Variants in P3H2 observed in about 807,000 individuals in gnomAD.
P3H2 encodes the protein leprecan-like 1.
P3H2 carries 80 observed loss-of-function variants against 87.0 expected under a neutral mutation model. That is an observed-to-expected ratio of 0.92 (90% CI 0.77 to 1.11). P3H2 has a LOEUF of 1.11. P3H2 is among the 50% of genes least tolerant of loss of function. The pLI, the probability that P3H2 is intolerant of heterozygous loss-of-function variation, is 0.00. For synonymous variants in P3H2, 367 were observed against 359.3 expected (o/e 1.02, Z -0.24); for missense variants, 1,001 against 923.9 (o/e 1.08, Z -1.08).
intron 1 of P3H2, among the ~76,000 whole-genome samples, chr3:190,078,906 T>G (rs894293850): frequency 3.9e-5 from 6 of 152,164 alleles, no homozygotes; most frequent in Non-Finnish European, 7.3e-5. Context: ...CCTTGGGAAG[T>G]GCAGGAGGGT....
chr3:190,071,320 A>C (rs1201553439), intron 1 of P3H2, among the ~76,000 whole-genome samples: 1 of 152,254 alleles, frequency 6.6e-6, no homozygotes, highest in African/African-American at 2.4e-5. Flanking sequence ...CCTTAAAAAG[A>C]ATCTGTCACC....
At chr3:190,069,937 C>A (rs1045301264) in intron 1 of P3H2, among the ~76,000 whole-genome samples, 3 of 151,472 alleles carry the variant, frequency 2.0e-5, no homozygotes, top group Non-Finnish European at 4.4e-5. Context: ...GTAAAGCCAG[C>A]AAGTGTAGAC....
At chr3:189,961,417 C>A (rs548525397) in intron 14 of P3H2, among the ~76,000 whole-genome samples, 4 of 152,304 alleles carry the variant, frequency 2.6e-5, no homozygotes, top group African/African-American at 7.2e-5. Flanking sequence ...TTGCTAAATA[C>A]TCCTTGAGAA....
At chr3:190,096,553 A>T (rs1005395207) in intron 1 of P3H2, among the ~76,000 whole-genome samples, 1 of 152,214 alleles carries the variant, frequency 6.6e-6, no homozygotes, top group Non-Finnish European at 1.5e-5. Flanking sequence ...GTTCATACAT[A>T]GCAGTGTGAA....
At chr3:190,018,980 A>G (rs1724852943) in intron 1 of P3H2, among the ~76,000 whole-genome samples, 1 of 152,332 alleles carries the variant, frequency 6.6e-6, no homozygotes, top group African/African-American at 2.4e-5. Context: ...TCTTAGTGTC[A>G]CTGTGACAGA....
Position 190,021,858 on chromosome 3 carries a change from T to C in P3H2, c.481-26416A>G, listed in dbSNP as rs139441732. ...CCAGTGGTACTAAATTTGTAAATTC[T>C]GGATTTCGTTAGACAACTATGTACA... On this transcript the variant is annotated intron_variant, in intron 1 of 14. Coordinates refer to ENST00000319332, the MANE Select transcript of P3H2 (RefSeq NM_018192.4). Among the ~76,000 whole-genome samples the C allele has an allele frequency of 6.9e-3, 937 of 135,402 alleles. 143 individuals carry two copies. The highest frequency in any genetic ancestry group is 0.023 in the African/African-American group (889 of 39,186). 88.8% of individuals were successfully genotyped at this position (135,402 alleles called of 152,430 possible). A position where few individuals can be genotyped will look rare whatever the true frequency, so the allele number is the denominator to read the frequency against.
At chr3:190,008,838 A>G (rs1174064132) in intron 1 of P3H2, among the ~76,000 whole-genome samples, 1 of 152,126 alleles carries the variant, frequency 6.6e-6, no homozygotes, top group Non-Finnish European at 1.5e-5. Context: ...GAAATCTGAG[A>G]TAATTCCTGT....
intron 10 of P3H2, 85 bp from the exon 11 acceptor site, chr3:189,973,109 T>C: frequency 1.6e-6 from 2 of 1,246,052 alleles, no homozygotes; most frequent in Admixed American, 4.0e-5. Context: ...ATTGAGCCAA[T>C]ATAGGATTGT....
At chr3:190,037,554 A>G (rs2108951876) in intron 1 of P3H2, among the ~76,000 whole-genome samples, 1 of 152,294 alleles carries the variant, frequency 6.6e-6, no homozygotes, top group South Asian at 2.1e-4. Context: ...CTTGATGTCA[A>G]CACGTCAATC....
chr3:190,069,472 TCTC>T (rs1297955689), intron 1 of P3H2, among the ~76,000 whole-genome samples: 1 of 152,196 alleles, frequency 6.6e-6, no homozygotes, highest in Admixed American at 6.6e-5. Flanking sequence ...CATAAATGAA[TCTC>T]CTCTTCACCT....
chr3:189,963,584 A>G, intron 14 of P3H2: 1 of 244,742 alleles, frequency 4.1e-6, no homozygotes, highest in Non-Finnish European at 8.2e-6. Flanking sequence ...AACTGGAACT[A>G]CAGGCGCATG....
intron 13 of P3H2, among the ~76,000 whole-genome samples, chr3:189,967,009 T>C (rs1033389585): frequency 3.3e-5 from 5 of 152,190 alleles, no homozygotes; most frequent in African/African-American, 1.2e-4. Context: ...ATGCCATTTC[T>C]CTGCTCCATT....
intron 1 of P3H2, among the ~76,000 whole-genome samples, chr3:190,104,982 A>G (rs1711774410): frequency 6.6e-6 from 1 of 152,250 alleles, no homozygotes. Flanking sequence ...TACATTAACT[A>G]GAATTCAAAA....
chr3:189,958,627 G>C (rs1722711718), intron 14 of P3H2, among the ~76,000 whole-genome samples: 1 of 151,588 alleles, frequency 6.6e-6, no homozygotes, highest in South Asian at 2.1e-4. Flanking sequence ...CCTACCACAG[G>C]TGTCAGTAAC....
chr3:190,095,614 CCTT>C (rs1727552419), intron 1 of P3H2, among the ~76,000 whole-genome samples: 1 of 122,644 alleles, frequency 8.2e-6, no homozygotes, highest in Non-Finnish European at 1.7e-5. Context: ...TTTTTTTTTT[CCTT>C]TAAAACGGAG....
intron 1 of P3H2, among the ~76,000 whole-genome samples, chr3:190,006,722 G>A (rs144655536): frequency 4.4e-3 from 665 of 152,258 alleles, no homozygotes; most frequent in Non-Finnish European, 7.8e-3. Context: ...GAGAAAGTAG[G>A]ACTGAGGGTC....
chr3:190,057,348 A>G (rs13072931), intron 1 of P3H2, among the ~76,000 whole-genome samples: 44,357 of 152,088 alleles, frequency 0.29, 6,640 homozygotes, highest in Middle Eastern at 0.36. Flanking sequence ...TCTGAGAAGC[A>G]CAGCTTTTCT....
intron 1 of P3H2, among the ~76,000 whole-genome samples, chr3:190,008,412 T>C (rs1724462449): frequency 6.6e-6 from 1 of 152,196 alleles, no homozygotes; most frequent in Admixed American, 6.5e-5. Flanking sequence ...AAGTGACTGC[T>C]AGTAAGTATA....
At chr3:190,055,619 T>C (rs1279443162) in intron 1 of P3H2, among the ~76,000 whole-genome samples, 4 of 151,930 alleles carry the variant, frequency 2.6e-5, no homozygotes, top group African/African-American at 4.8e-5. Flanking sequence ...GCAATGGCCA[T>C]AGTTACATTT....
Sources: gnomAD v4.1 joint callset for allele counts (sites outside exome capture counted in the v4.1 genomes callset) on GRCh38, gnomAD v4.1.1 for gene constraint, MANE v1.5 for transcripts, NCBI Gene and HGNC (gene_info 2026-07-23, HGNC 2026-07-21) for gene names.